GNB5: variants seen among roughly 807,000 people sequenced by gnomAD.
The protein encoded by GNB5 is G protein subunit beta 5.
GNB5 carries 37 observed loss-of-function variants against 55.3 expected under a neutral mutation model. The ratio of observed to expected loss-of-function variants is 0.67; its 90% CI spans 0.51 to 0.88. The LOEUF (loss-of-function observed/expected upper bound fraction) is 0.88. Ranked by LOEUF, GNB5 falls within the 40% of genes least tolerant of loss-of-function variation. GNB5 has a pLI of 0.00. For missense variants in GNB5, 476 were observed against 515.3 expected (o/e 0.92, Z 0.74); for synonymous variants, 219 against 198.5 (o/e 1.10, Z -0.87).
At chr15:52,188,042 A>G (rs758406644) in intron 1 of GNB5, among the ~76,000 whole-genome samples, 6 of 152,176 alleles carry the variant, frequency 3.9e-5, no homozygotes, top group Non-Finnish European at 5.9e-5. Flanking sequence ...CCCTACACCA[A>G]CAACTGACCT....
intron 2 of GNB5, among the ~76,000 whole-genome samples, chr15:52,183,363 G>A (rs2034801252): frequency 6.6e-6 from 1 of 151,762 alleles, no homozygotes; most frequent in African/African-American, 2.4e-5. Flanking sequence ...CAGAAAGCAG[G>A]TTTATTTTTA....
intron 2 of GNB5, 115 bp from the exon 3 acceptor site, chr15:52,179,994 T>C: frequency 7.9e-7 from 1 of 1,272,434 alleles, no homozygotes; most frequent in Non-Finnish European, 9.9e-7. Flanking sequence ...GGCCCCGCCC[T>C]CCGCGATGAC....
In GNB5 at chr15:52,153,929, G is replaced by A. The variant is rs775746640; in HGVS notation, c.375+11C>T. 1.2e-5 allele frequency: 20 copies of A among 1,608,112 alleles called. No homozygotes were observed. The East Asian group carries it at 3.6e-4, about 29-fold the overall frequency. ...AACCCGCTCACCTGTTATGCAGCAGGTGTGACATACCTGTGACGAGCTCAC... is the reference window on the plus strand; with the variant it reads ...AACCCGCTCACCTGTTATGCAGCAGATGTGACATACCTGTGACGAGCTCAC... On this transcript the variant is annotated intron_variant, in intron 4 of 12. Transcript: ENST00000261837.
At chr15:52,188,996 A>G (rs987821172) in intron 1 of GNB5, among the ~76,000 whole-genome samples, 5 of 152,174 alleles carry the variant, frequency 3.3e-5, no homozygotes, top group African/African-American at 4.8e-5. Flanking sequence ...TTATAGATCA[A>G]CCTTGTTTGG....
chr15:52,188,451 C>G (rs553030077), intron 1 of GNB5, among the ~76,000 whole-genome samples: 3 of 152,302 alleles, frequency 2.0e-5, no homozygotes, highest in African/African-American at 4.8e-5. Context: ...AGATTTGAGA[C>G]CACTGAGGTC....
intron 2 of GNB5, among the ~76,000 whole-genome samples, chr15:52,183,290 G>T (rs1233516450): frequency 6.7e-6 from 1 of 149,866 alleles, no homozygotes; most frequent in Admixed American, 6.7e-5. Context: ...TCCACCTGCA[G>T]AGGAAGTTGT....
intron 3 of GNB5, among the ~76,000 whole-genome samples, chr15:52,171,527 G>A (rs1440760708): frequency 6.6e-6 from 1 of 152,200 alleles, no homozygotes; most frequent in African/African-American, 2.4e-5. Flanking sequence ...GAGTATAACA[G>A]TGAATGCAGA....
intron 12 of GNB5, among the ~76,000 whole-genome samples, chr15:52,124,068 T>C (rs989974392): frequency 1.9e-4 from 29 of 150,492 alleles, no homozygotes; most frequent in African/African-American, 7.1e-4. Flanking sequence ...CACAGCCTCC[T>C]GGATTTGTGA....
chr15:52,164,181 G>A (rs142740173), intron 3 of GNB5, among the ~76,000 whole-genome samples: 2,913 of 151,978 alleles, frequency 0.019, 95 homozygotes, highest in African/African-American at 0.067. Flanking sequence ...GATGGCGGGC[G>A]CCTGTAATCC....
At chr15:52,186,169 G>A (rs1012423766) in intron 1 of GNB5, among the ~76,000 whole-genome samples, 1 of 152,218 alleles carries the variant, frequency 6.6e-6, no homozygotes, top group Admixed American at 6.5e-5. Context: ...ACCCTGTAGT[G>A]TAACAATGTA....
chr15:52,130,323 C>T (rs150778174), intron 9 of GNB5, among the ~76,000 whole-genome samples: 3 of 152,250 alleles, frequency 2.0e-5, no homozygotes, highest in Non-Finnish European at 2.9e-5. Context: ...AGCCAGTGTT[C>T]GCCCTGGAAG....
At chr15:52,184,427 C>T in intron 2 of GNB5, 124 bp downstream of exon 2, 1 of 812,100 alleles carries the variant, frequency 1.2e-6, no homozygotes, top group Non-Finnish European at 2.0e-6. Context: ...TACTGCCTCA[C>T]CAAGCCCAGG....
intron 10 of GNB5, among the ~76,000 whole-genome samples, chr15:52,127,451 G>T (rs1191063839): frequency 6.6e-6 from 1 of 151,920 alleles, no homozygotes; most frequent in East Asian, 1.9e-4. Context: ...ACTGTATGTG[G>T]CAAGAATTTT....
intron 2 of GNB5, among the ~76,000 whole-genome samples, chr15:52,183,849 C>G (rs1199054723): frequency 1.3e-5 from 2 of 152,212 alleles, no homozygotes; most frequent in Non-Finnish European, 2.9e-5. Flanking sequence ...GGCATTTTTG[C>G]TGCAAGATCT....
intron 10 of GNB5, among the ~76,000 whole-genome samples, chr15:52,127,615 A>G (rs1330938886): frequency 1.3e-5 from 2 of 152,302 alleles, no homozygotes; most frequent in African/African-American, 4.8e-5. Context: ...TTAGCAGAAA[A>G]TTAGAATGAA....
chr15:52,179,730 G>C (rs2034729662), intron 3 of GNB5, 38 bp downstream of exon 3: 1 of 1,331,436 alleles, frequency 7.5e-7, no homozygotes, highest in African/African-American at 1.5e-5. Flanking sequence ...TGGCGAGCCG[G>C]TCCGGCTTGC....
Position 52,118,535 on chromosome 15 carries a change from C to A in GNB5, c.*4222G>T, listed in dbSNP as rs1189788932. The A allele has an allele frequency of 1.3e-5, 2 of 152,068 alleles. No homozygotes were observed. Among genetic ancestry groups the A allele is most frequent in the African/African-American group, 4.8e-5 (2 of 41,384 alleles). The allele number at this position is 152,068 out of a possible 1,614,324, so 9.4% of individuals were successfully genotyped here. A position where few individuals can be genotyped will look rare whatever the true frequency, so the allele number is the denominator to read the frequency against. The stretch of plus-strand genomic sequence containing the variant: ...CTAATACAATAAATATGGATAGATA[C>A]AATCCACAATGAGCAAGTTATTTGG... On this transcript the variant is annotated 3_prime_UTR_variant, in exon 13 of 13. Coordinates refer to ENST00000261837, the MANE Select transcript of GNB5 (RefSeq NM_016194.4).
chr15:52,123,606 G>C (rs1252572358), intron 12 of GNB5: 1 of 150,298 alleles, frequency 6.7e-6, no homozygotes, highest in East Asian at 2.0e-4. Context: ...GCAGTGGGAT[G>C]ATCTTGGCTC....
intron 6 of GNB5, 178 bp downstream of exon 6, chr15:52,147,281 G>A (rs2033997399): frequency 2.1e-6 from 1 of 487,276 alleles, no homozygotes; most frequent in Non-Finnish European, 3.8e-6. Flanking sequence ...GGGATTACAA[G>A]CAGGCACCAC....
Sources: gnomAD v4.1 joint callset for allele counts (sites outside exome capture counted in the v4.1 genomes callset) on GRCh38, gnomAD v4.1.1 for gene constraint, MANE v1.5 for transcripts, NCBI Gene and HGNC (gene_info 2026-07-23, HGNC 2026-07-21) for gene names.